Variants in GRIN2A observed in about 807,000 individuals in gnomAD.
GRIN2A encodes the protein glutamate receptor ionotropic, NMDA 2A.
A neutral mutation model predicts 113.4 loss-of-function variants in GRIN2A; 22 were observed. That is an observed-to-expected ratio of 0.19 (90% CI 0.14 to 0.28). GRIN2A has a LOEUF of 0.28. Among genes scored for constraint, GRIN2A ranks in the 10% least tolerant of loss-of-function variants. The pLI is 1.00. For synonymous variants in GRIN2A, 827 were observed against 738.4 expected (o/e 1.12, Z -1.94); for missense variants, 1,502 against 1,887.0 (o/e 0.80, Z 3.78).
chr16:9,987,934 G>A (rs1365928513), intron 2 of GRIN2A, among the ~76,000 whole-genome samples: 2 of 152,202 alleles, frequency 1.3e-5, no homozygotes, highest in African/African-American at 4.8e-5. Context: ...AGACTGTACA[G>A]CTAATACTTG....
At chr16:9,766,053 C>A (rs1192153616) in intron 12 of GRIN2A, among the ~76,000 whole-genome samples, 2 of 152,184 alleles carry the variant, frequency 1.3e-5, no homozygotes, top group Non-Finnish European at 2.9e-5. Context: ...ACATTTTGAT[C>A]TGTGGCTTCC....
chr16:9,840,587 C>G, intron 7 of GRIN2A, 60 bp downstream of exon 7: 1 of 1,506,132 alleles, frequency 6.6e-7, no homozygotes. Flanking sequence ...ATCCTCTGAG[C>G]AAACAAGATT....
chr16:9,884,050 C>G (rs1180475895), intron 4 of GRIN2A, among the ~76,000 whole-genome samples: 1 of 152,140 alleles, frequency 6.6e-6, no homozygotes, highest in Non-Finnish European at 1.5e-5. Context: ...TTATCTCTCT[C>G]TTTCTCAATA....
intron 2 of GRIN2A, among the ~76,000 whole-genome samples, chr16:10,012,238 A>G (rs2046520027): frequency 6.6e-6 from 1 of 152,204 alleles, no homozygotes; most frequent in Non-Finnish European, 1.5e-5. Context: ...GCACAGATTC[A>G]ATGTTGAATT....
intron 5 of GRIN2A, among the ~76,000 whole-genome samples, chr16:9,846,150 A>C (rs557828730): frequency 6.6e-6 from 1 of 152,202 alleles, no homozygotes; most frequent in Non-Finnish European, 1.5e-5. Context: ...ATCATGATGA[A>C]TTATGAATCA....
chr16:9,827,069 T>C (rs962035673), intron 9 of GRIN2A, among the ~76,000 whole-genome samples: 3 of 140,368 alleles, frequency 2.1e-5, no homozygotes, highest in Admixed American at 2.1e-4. Context: ...GCGCTTCATG[T>C]CTGCAGAGGG....
intron 11 of GRIN2A, among the ~76,000 whole-genome samples, chr16:9,786,759 C>T (rs1370541553): frequency 6.6e-6 from 1 of 152,178 alleles, no homozygotes; most frequent in Non-Finnish European, 1.5e-5. Flanking sequence ...GCTGGATAAT[C>T]CTGGACACCT....
At chr16:9,887,829 C>T (rs927246963) in intron 4 of GRIN2A, among the ~76,000 whole-genome samples, 15 of 152,102 alleles carry the variant, frequency 9.9e-5, no homozygotes, top group African/African-American at 3.4e-4. Flanking sequence ...GAGGCTGAGG[C>T]GGGTGGATCA....
At chr16:9,935,357 T>A (rs780943226) in intron 3 of GRIN2A, among the ~76,000 whole-genome samples, 35 of 152,104 alleles carry the variant, frequency 2.3e-4, no homozygotes, top group African/African-American at 8.2e-4. Context: ...TCTGGACAAT[T>A]ATTTAAAATG....
At chr16:10,092,566 G>A (rs940384155) in intron 2 of GRIN2A, among the ~76,000 whole-genome samples, 4 of 152,124 alleles carry the variant, frequency 2.6e-5, no homozygotes, top group African/African-American at 7.2e-5. Context: ...AACTCTTATA[G>A]ACTCCTTACT....
intron 2 of GRIN2A, 100 bp downstream of exon 2, chr16:10,179,898 C>CCA: frequency 4.1e-6 from 2 of 490,228 alleles, no homozygotes; most frequent in Non-Finnish European, 4.0e-6. Context: ...ACCCCCACTT[C>CCA]ACATCAAGAC....
At chr16:10,116,890 G>C (rs949172671) in intron 2 of GRIN2A, among the ~76,000 whole-genome samples, 3 of 152,034 alleles carry the variant, frequency 2.0e-5, no homozygotes, top group Non-Finnish European at 2.9e-5. Flanking sequence ...AAACACAATC[G>C]TATGGCCAGA....
chr16:9,944,584 C>A (rs2044971403), intron 2 of GRIN2A, among the ~76,000 whole-genome samples: 1 of 152,178 alleles, frequency 6.6e-6, no homozygotes, highest in Admixed American at 6.5e-5. Context: ...ATTATCCCTG[C>A]ATTAAAGATT....
At chr16:9,831,436 T>C (rs1567330740) in intron 8 of GRIN2A, among the ~76,000 whole-genome samples, 2 of 151,644 alleles carry the variant, frequency 1.3e-5, no homozygotes. Flanking sequence ...ACTATCTGGA[T>C]AGAGTAGCCC....
intron 4 of GRIN2A, among the ~76,000 whole-genome samples, chr16:9,856,557 C>T (rs2042972147): frequency 1.4e-5 from 2 of 147,514 alleles, no homozygotes; most frequent in Admixed American, 6.9e-5. Context: ...CCCGGGAGGC[C>T]GAGCTTGCAG....
At chr16:10,137,741 T>C (rs925939037) in intron 2 of GRIN2A, among the ~76,000 whole-genome samples, 1 of 152,180 alleles carries the variant, frequency 6.6e-6, no homozygotes, top group Non-Finnish European at 1.5e-5. Context: ...TGGGGGTAAT[T>C]GTAGGGTTAA....
chr16:10,063,225 G>A (rs902461177), intron 2 of GRIN2A, among the ~76,000 whole-genome samples: 5 of 152,282 alleles, frequency 3.3e-5, no homozygotes, highest in Admixed American at 1.3e-4. Context: ...GATGATAAGT[G>A]TGAGGAGAGC....
At chr16:10,028,677 A>C (rs1159964218) in intron 2 of GRIN2A, among the ~76,000 whole-genome samples, 1 of 152,180 alleles carries the variant, frequency 6.6e-6, no homozygotes, top group African/African-American at 2.4e-5. Flanking sequence ...GGTTAGCAAA[A>C]AGTAAGCTTT....
chr16:9,883,201 T>G (rs1399814021), intron 4 of GRIN2A, among the ~76,000 whole-genome samples: 1 of 152,080 alleles, frequency 6.6e-6, no homozygotes, highest in Non-Finnish European at 1.5e-5. Context: ...AGATAATGAA[T>G]GTAAAATTGT....
Sources: allele counts gnomAD v4.1 joint callset (sites outside exome capture counted in the v4.1 genomes callset), GRCh38; gene constraint gnomAD v4.1.1; transcripts MANE v1.5; gene names NCBI Gene and HGNC (gene_info 2026-07-23, HGNC 2026-07-21).